The following POLR3B variants were observed in gnomAD, a reference collection of about 807,000 sequenced individuals.
POLR3B encodes the protein DNA-directed RNA polymerase III subunit RPC2.
A neutral mutation model predicts 147.4 loss-of-function variants in POLR3B; 96 were observed. The observed-to-expected ratio is 0.65, with a 90% CI of 0.55 to 0.77. The LOEUF (loss-of-function observed/expected upper bound fraction) is 0.77. Among genes scored for constraint, POLR3B ranks in the 30% least tolerant of loss-of-function variants. The pLI, the probability that POLR3B is intolerant of heterozygous loss-of-function variation, is 0.00. For synonymous variants in POLR3B, 461 were observed against 485.9 expected (o/e 0.95, Z 0.67); for missense variants, 1,036 against 1,413.5 (o/e 0.73, Z 4.28).
intron 27 of POLR3B, 136 bp from the exon 28 acceptor site, chr12:106,509,284 C>T: frequency 1.1e-6 from 1 of 904,002 alleles, no homozygotes; most frequent in Non-Finnish European, 1.8e-6. Flanking sequence ...TATGATAGTG[C>T]AACTGAACAC....
chr12:106,508,152 C>G (rs891969108), intron 27 of POLR3B, among the ~76,000 whole-genome samples: 1 of 152,190 alleles, frequency 6.6e-6, no homozygotes, highest in Non-Finnish European at 1.5e-5. Flanking sequence ...GTGTCCACAA[C>G]AGCAGGTCTA....
At chr12:106,441,542 C>T (rs534704678) in intron 18 of POLR3B, among the ~76,000 whole-genome samples, 5 of 152,098 alleles carry the variant, frequency 3.3e-5, no homozygotes, top group Non-Finnish European at 7.4e-5. Flanking sequence ...GTATTATAAT[C>T]GTTTGGAACC....
intron 10 of POLR3B, among the ~76,000 whole-genome samples, chr12:106,405,539 T>TACACACACACAC (rs71072675): frequency 0.052 from 7,417 of 142,562 alleles, 287 homozygotes; most frequent in East Asian, 0.16. Context: ...GCTATATGTC[T>TACACACACACAC]ACACACACAC....
chr12:106,360,711 CA>C (rs1246312324), intron 1 of POLR3B, among the ~76,000 whole-genome samples: 1 of 152,172 alleles, frequency 6.6e-6, no homozygotes, highest in African/African-American at 2.4e-5. Flanking sequence ...GCTTTGGAGC[CA>C]ATTAATCAGT....
At position 106,437,152 on chromosome 12, in the gene POLR3B, C is replaced by T. The variant is rs779003359; in HGVS notation, c.1856+21C>T. ...TACAGGTAAGTAGCCAAAAGTAAAA[C>T]TTACCAATCTCCTTAATACCCACAT... On this transcript the variant is annotated intron_variant, in intron 17 of 27. Coordinates refer to ENST00000228347, the MANE Select transcript of POLR3B (RefSeq NM_018082.6). 1.3e-5 allele frequency: 20 copies of T among 1,496,180 alleles called. No homozygotes were observed. The Admixed American group carries it at 3.2e-4, about 24-fold the overall frequency. The allele number at this position is 1,496,180 out of a possible 1,614,324, so 92.7% of individuals were successfully genotyped here.
intron 15 of POLR3B, 45 bp from the exon 16 acceptor site, chr12:106,433,674 A>G (rs2037538500): frequency 1.3e-6 from 2 of 1,540,358 alleles, no homozygotes; most frequent in East Asian, 4.5e-5. Context: ...ATCAGGTTGC[A>G]TTTATTTTTT....
chr12:106,379,784 C>G (rs1278469924), intron 8 of POLR3B, among the ~76,000 whole-genome samples: 14 of 152,196 alleles, frequency 9.2e-5, no homozygotes, highest in Admixed American at 9.2e-4. Flanking sequence ...GTAATTGTCA[C>G]TCATTCACAC....
At chr12:106,484,908 A>G (rs866592142) in intron 23 of POLR3B, among the ~76,000 whole-genome samples, 1 of 152,108 alleles carries the variant, frequency 6.6e-6, no homozygotes, top group Non-Finnish European at 1.5e-5. Context: ...TATGCCTGAC[A>G]AGCAGCACAG....
At chr12:106,421,605 CA>C (rs1179383503) in intron 12 of POLR3B, among the ~76,000 whole-genome samples, 1 of 151,938 alleles carries the variant, frequency 6.6e-6, no homozygotes, top group East Asian at 1.9e-4. Flanking sequence ...TTACTGATTT[CA>C]AGGAGATTTT....
At chr12:106,477,704 G>A (rs930959561) in intron 23 of POLR3B, among the ~76,000 whole-genome samples, 2 of 152,040 alleles carry the variant, frequency 1.3e-5, no homozygotes, top group Non-Finnish European at 2.9e-5. Flanking sequence ...GTGAGGCAAT[G>A]CCTCACCCTG....
At chr12:106,465,452 G>T (rs2037991400) in intron 23 of POLR3B, among the ~76,000 whole-genome samples, 1 of 147,060 alleles carries the variant, frequency 6.8e-6, no homozygotes, top group African/African-American at 2.6e-5. Context: ...TATGCAATGT[G>T]CTCTAATTCC....
Position 106,369,351 on chromosome 12 carries a change from G to T in POLR3B, c.303+1G>T, listed in dbSNP as rs2036573956. ...AACTAGACCAGTGTCCCCTCATGAG[G>T]TAATTATGAACCTTACTTTAATTGG... On this transcript the variant is annotated splice_donor_variant, in intron 5 of 27. Coordinates refer to ENST00000228347, the MANE Select transcript of POLR3B (RefSeq NM_018082.6). LOFTEE classifies it high-confidence loss of function. 2 of 1,528,078 alleles carry T rather than the reference G, an allele frequency of 1.3e-6. No homozygotes were observed. The highest frequency in any genetic ancestry group is 1.4e-5 in the African/African-American group (1 of 73,208). The allele number at this position is 1,528,078 out of a possible 1,614,324, so 94.7% of individuals were successfully genotyped here.
chr12:106,472,211 C>A (rs1933857447), intron 23 of POLR3B, among the ~76,000 whole-genome samples: 1 of 143,674 alleles, frequency 7.0e-6, no homozygotes, highest in East Asian at 2.0e-4. Flanking sequence ...TTTATGGCTG[C>A]ATAGTATTCC....
At chr12:106,376,228 C>G in intron 6 of POLR3B, 131 bp from the exon 7 acceptor site, 4 of 701,446 alleles carry the variant, frequency 5.7e-6, no homozygotes, top group Non-Finnish European at 1.0e-5. Flanking sequence ...ATTGCTATTT[C>G]TCTGCCTTTT....
intron 10 of POLR3B, among the ~76,000 whole-genome samples, chr12:106,396,196 GAAAAATTTTAGCCTTTTTCACAA>G (rs1157535052): frequency 6.6e-6 from 1 of 152,144 alleles, no homozygotes; most frequent in Non-Finnish European, 1.5e-5. Context: ...TCAAACAAGT[GAAAAATTTTAGCCTTTTTCACAA>G]GGAAACTAGA....
chr12:106,365,919 G>A (rs1010165613), intron 2 of POLR3B, among the ~76,000 whole-genome samples: 6 of 151,598 alleles, frequency 4.0e-5, no homozygotes, highest in African/African-American at 4.8e-5. Context: ...ACATTAGCCC[G>A]GGCCAGAATC....
At position 106,410,906 on chromosome 12, in the gene POLR3B, T is replaced by C. The variant is rs1206232932; in HGVS notation, c.1047T>C (p.Asn349=). Residue 349 remains asparagine (N), a synonymous_variant, in exon 12 of 28, where the codon AAT becomes AAC. Transcript: ENST00000228347. The part of the protein sequence containing the change: ...VRRVILAQGD[N]KVDDRDYYGN... ...GAGTTATTCTGGCCCAAGGAGATAA[T>C]AAAGTTGACGACAGAGATTATTATG... 9.9e-6 allele frequency: 16 copies of C among 1,613,786 alleles called. No homozygotes were observed. Among genetic ancestry groups the C allele is most frequent in the Non-Finnish European group, 1.4e-5 (16 of 1,179,724 alleles).
At chr12:106,369,173 C>T (rs1407288132) in intron 4 of POLR3B, 102 bp from the exon 5 acceptor site, 4 of 775,060 alleles carry the variant, frequency 5.2e-6, no homozygotes, top group Non-Finnish European at 9.5e-6. Flanking sequence ...CCAAGATAAG[C>T]ATTTATCAAA....
intron 4 of POLR3B, among the ~76,000 whole-genome samples, chr12:106,366,953 A>T (rs2036543796): frequency 6.6e-6 from 1 of 152,174 alleles, no homozygotes; most frequent in South Asian, 2.1e-4. Context: ...AAAATACAAA[A>T]TTAGCCAGGC....
Sources: gnomAD v4.1 joint callset for allele counts (sites outside exome capture counted in the v4.1 genomes callset) on GRCh38, gnomAD v4.1.1 for gene constraint, MANE v1.5 for transcripts, NCBI Gene and HGNC (gene_info 2026-07-23, HGNC 2026-07-21) for gene names.